Variants in BCAT1 observed in about 807,000 individuals in gnomAD.
BCAT1 encodes the protein branched-chain-amino-acid aminotransferase, cytosolic.
A neutral mutation model predicts 52.4 loss-of-function variants in BCAT1; 48 were observed. The ratio of observed to expected loss-of-function variants is 0.92; its 90% confidence interval spans 0.73 to 1.16. BCAT1 has a LOEUF of 1.16. Ranked by LOEUF, BCAT1 falls within the 50% of genes most tolerant of loss-of-function variation. The pLI, the probability that BCAT1 is intolerant of heterozygous loss-of-function variation, is 0.00. For missense variants in BCAT1, 451 were observed against 457.1 expected (o/e 0.99, Z 0.12); for synonymous variants, 167 against 161.3 (o/e 1.04, Z -0.27).
In BCAT1 at chr12:24,883,724, T is replaced by C. The variant is rs78112970; in HGVS notation, c.280-2313A>G. Among the ~76,000 whole-genome samples the C allele has an allele frequency of 9.8e-3, 1,488 of 152,324 alleles. 55 individuals are homozygous for C. Among genetic ancestry groups the C allele is most frequent in the East Asian group, 0.082 (427 of 5,194 alleles). On this transcript the variant is annotated intron_variant, in intron 3 of 10. Transcript: ENST00000261192. ...CAGGGACCAGTTTTGTGGAAGATAA[T>C]TTTTCCACAGGGATGAGCGTGGGGA...
chr12:24,933,115 T>A, intron 1 of BCAT1, among the ~76,000 whole-genome samples: 1 of 27,900 alleles, frequency 3.6e-5, no homozygotes, highest in African/African-American at 8.9e-5. Flanking sequence ...TGGCCTTTTT[T>A]TTTTTTTTTT....
intron 7 of BCAT1, 129 bp downstream of exon 7, chr12:24,841,953 G>A: frequency 9.4e-7 from 1 of 1,066,452 alleles, no homozygotes. Flanking sequence ...GGCAGCAAAA[G>A]CACAGTAGTC....
At chr12:24,837,192 G>C (rs952363750) in intron 7 of BCAT1, among the ~76,000 whole-genome samples, 1 of 133,396 alleles carries the variant, frequency 7.5e-6, no homozygotes, top group Non-Finnish European at 1.7e-5. Flanking sequence ...GTAAAATAAT[G>C]AGATGGTTTT....
chr12:24,845,183 C>T (rs1941306211), intron 6 of BCAT1, among the ~76,000 whole-genome samples: 1 of 149,806 alleles, frequency 6.7e-6, no homozygotes, highest in Non-Finnish European at 1.5e-5. Flanking sequence ...CACTGCACTC[C>T]AGCCTAGGAG....
chr12:24,827,162 CCT>C (rs1940438971), intron 10 of BCAT1, among the ~76,000 whole-genome samples: 1 of 152,048 alleles, frequency 6.6e-6, no homozygotes, highest in Non-Finnish European at 1.5e-5. Flanking sequence ...GGCCTCTAAA[CCT>C]CTGTTTTGGA....
At chr12:24,923,059 A>C (rs758454982) in intron 1 of BCAT1, among the ~76,000 whole-genome samples, 1 of 152,102 alleles carries the variant, frequency 6.6e-6, no homozygotes, top group Non-Finnish European at 1.5e-5. Flanking sequence ...CTCATTAGAC[A>C]CTCAGTGCCC....
At chr12:24,888,997 G>A (rs1355232040) in intron 3 of BCAT1, among the ~76,000 whole-genome samples, 1 of 152,028 alleles carries the variant, frequency 6.6e-6, no homozygotes, top group African/African-American at 2.4e-5. Context: ...ATTAGGGTGG[G>A]GCAACCAGAC....
At chr12:24,839,863 G>C (rs1253802914) in intron 7 of BCAT1, among the ~76,000 whole-genome samples, 1 of 152,060 alleles carries the variant, frequency 6.6e-6, no homozygotes, top group Non-Finnish European at 1.5e-5. Context: ...ATAAATCAAA[G>C]TTACTTCAGA....
intron 3 of BCAT1, among the ~76,000 whole-genome samples, chr12:24,889,817 C>A (rs1942785905): frequency 6.6e-6 from 1 of 152,092 alleles, no homozygotes; most frequent in Admixed American, 6.6e-5. Flanking sequence ...TAGCAAGACC[C>A]CATCTTATAT....
intron 1 of BCAT1, among the ~76,000 whole-genome samples, chr12:24,944,046 A>C (rs143746249): frequency 1.3e-5 from 2 of 152,298 alleles, no homozygotes; most frequent in Non-Finnish European, 2.9e-5. Flanking sequence ...AAAAGCACCA[A>C]TTAAGCAAGG....
intron 9 of BCAT1, among the ~76,000 whole-genome samples, chr12:24,831,311 C>T (rs937586287): frequency 2.0e-5 from 3 of 152,082 alleles, no homozygotes; most frequent in Non-Finnish European, 2.9e-5. Flanking sequence ...ATAAGGCTTC[C>T]GGTGAACAGC....
chr12:24,856,922 G>A (rs11047681), intron 5 of BCAT1, among the ~76,000 whole-genome samples: 30,913 of 152,024 alleles, frequency 0.2, 3,850 homozygotes, highest in Non-Finnish European at 0.29. Context: ...ACCACGTGGG[G>A]GTACTTTCTC....
At position 24,948,958 on chromosome 12, in the gene BCAT1, C is replaced by T. The variant is rs1396350530; in HGVS notation, c.-26G>A. The T allele has an allele frequency of 1.3e-6, 2 of 1,589,652 alleles. No individual in the cohort carries two copies. Among genetic ancestry groups the T allele is most frequent in the South Asian group, 1.2e-5 (1 of 86,750 alleles). On this transcript the variant is annotated 5_prime_UTR_variant, in exon 1 of 11. Transcript: ENST00000261192. ...TGTTCCGTCGGCCACGAGGGAAGCT[C>T]GAGCTGAGCGGAGGGCAGATCCCAA... is the stretch of plus-strand genomic sequence containing the variant.
At chr12:24,886,502 C>T (rs2139619243) in intron 3 of BCAT1, among the ~76,000 whole-genome samples, 1 of 152,248 alleles carries the variant, frequency 6.6e-6, no homozygotes, top group South Asian at 2.1e-4. Context: ...AAAGTAGTTC[C>T]ACTTACAAAC....
intron 1 of BCAT1, among the ~76,000 whole-genome samples, chr12:24,926,002 C>T (rs895188174): frequency 2.4e-4 from 36 of 152,350 alleles, no homozygotes; most frequent in African/African-American, 7.2e-4. Flanking sequence ...AGCCTCTGCC[C>T]GGCCGCCACC....
chr12:24,859,455 C>T (rs1941788060), intron 5 of BCAT1, among the ~76,000 whole-genome samples: 1 of 151,852 alleles, frequency 6.6e-6, no homozygotes, highest in African/African-American at 2.4e-5. Flanking sequence ...CCCGTCTCTA[C>T]TAAAAACACA....
intron 2 of BCAT1, among the ~76,000 whole-genome samples, chr12:24,900,194 C>G (rs1250127381): frequency 6.6e-6 from 1 of 152,274 alleles, no homozygotes; most frequent in East Asian, 1.9e-4. Flanking sequence ...GTGAATACAT[C>G]CACCATAACT....
At chr12:24,881,990 A>G (rs1429455509) in intron 3 of BCAT1, among the ~76,000 whole-genome samples, 3 of 152,248 alleles carry the variant, frequency 2.0e-5, no homozygotes, top group African/African-American at 7.2e-5. Context: ...GGATTTGAAA[A>G]GACTTCAGTA....
chr12:24,913,579 G>A (rs996957650), intron 1 of BCAT1, among the ~76,000 whole-genome samples: 2 of 152,200 alleles, frequency 1.3e-5, no homozygotes, highest in Non-Finnish European at 2.9e-5. Context: ...CCCATGAGCT[G>A]GGGATGACTC....
Sources: gnomAD v4.1 joint callset for allele counts (sites outside exome capture counted in the v4.1 genomes callset) on GRCh38, gnomAD v4.1.1 for gene constraint, MANE v1.5 for transcripts, NCBI Gene and HGNC (gene_info 2026-07-23, HGNC 2026-07-21) for gene names.